Variants in MEGF8 observed in about 807,000 individuals in gnomAD.
The protein encoded by MEGF8 is multiple epidermal growth factor-like domains protein 8.
A neutral mutation model predicts 302.9 loss-of-function variants in MEGF8; 156 were observed. That is an observed-to-expected ratio of 0.52 (90% confidence interval 0.45 to 0.59). The LOEUF is 0.59. Among genes scored for constraint, MEGF8 ranks in the 20% least tolerant of loss-of-function variants. The probability of loss-of-function intolerance (pLI) is 0.00; values close to 1 mark genes in which losing one functional copy is unlikely to be tolerated. For missense variants in MEGF8, 3,345 were observed against 3,964.5 expected, an observed-to-expected ratio of 0.84 and a Z score of 4.20; for synonymous variants, 1,621 against 1,660.5, an observed-to-expected ratio of 0.98 and a Z score of 0.58.
At chr19:42,340,193 A>G (rs565333962) in intron 8 of MEGF8, among the ~76,000 whole-genome samples, 2 of 152,354 alleles carry the variant, frequency 1.3e-5, no homozygotes, top group African/African-American at 4.8e-5. Context: ...AATGATGCCC[A>G]GTGAAGTGCT....
chr19:42,346,292 G>C (rs1220705942), intron 12 of MEGF8, among the ~76,000 whole-genome samples: 1 of 152,156 alleles, frequency 6.6e-6, no homozygotes, highest in Non-Finnish European at 1.5e-5. Context: ...GGTGGCTCAC[G>C]CCTGTAATTC....
intron 8 of MEGF8, among the ~76,000 whole-genome samples, chr19:42,340,893 C>T (rs2039202325): frequency 6.7e-6 from 1 of 150,306 alleles, no homozygotes; most frequent in East Asian, 2.0e-4. Flanking sequence ...GTCTTGAAGT[C>T]CTGACCTTAA....
rs2039636353 is a variant in MEGF8, at chr19:42,368,352, C to G, written c.6274-103C>G. On this transcript the variant is annotated intron_variant, in intron 35 of 41. Coordinates refer to ENST00000251268, the MANE Select transcript of MEGF8 (RefSeq NM_001271938.2). The surrounding 1 kb of genome is among the most constrained non-coding windows in gnomAD (Gnocchi z 4.9). Reference sequence around the variant, plus strand: ...ACCTGTGGCCAGGGAGGGGTGAGACCTCAAAGAGGGTGTGGTCTGGGAAGA... The same window carrying G: ...ACCTGTGGCCAGGGAGGGGTGAGACGTCAAAGAGGGTGTGGTCTGGGAAGA... The G allele has an allele frequency of 1.9e-6, 2 of 1,073,340 alleles. No homozygotes were observed. Among genetic ancestry groups the G allele is most frequent in the Admixed American group, 2.8e-5 (1 of 35,194 alleles). The allele number at this position is 1,073,340 out of a possible 1,614,324, so 66.5% of individuals were successfully genotyped here.
At chr19:42,362,049 G>T (rs371473543) in intron 32 of MEGF8, 41 bp from the exon 33 acceptor site, 72 of 1,605,036 alleles carry the variant, frequency 4.5e-5, no homozygotes, top group Middle Eastern at 1.7e-4. Flanking sequence ...GAAGGAGGGG[G>T]TCTGGATGGG....
chr19:42,335,533 C>T (rs774105775), intron 5 of MEGF8, 148 bp downstream of exon 5: 15 of 694,872 alleles, frequency 2.2e-5, no homozygotes, highest in Middle Eastern at 7.8e-4. Flanking sequence ...TGCCTTTTCT[C>T]TCCGGTTTTC....
chr19:42,344,103 C>G lies in MEGF8; in HGVS notation c.1788+30C>G. On this transcript the variant is annotated intron_variant, in intron 10 of 41. Coordinates refer to ENST00000251268, the MANE Select transcript of MEGF8 (RefSeq NM_001271938.2). This position sits in a 1 kb window ranked among gnomAD's most constrained non-coding sequence, Gnocchi z 4.5. ...GTGACAGCCCTAGACCCTCTGTTCC[C>G]TAGCATAGAGACCTGCCCTCAGTGT... The G allele has an allele frequency of 1.2e-6, 2 of 1,609,142 alleles. No homozygotes were observed. The highest frequency in any genetic ancestry group is 1.7e-6 in the Non-Finnish European group (2 of 1,178,308).
At chr19:42,350,754 G>C (rs535398650) in intron 15 of MEGF8, among the ~76,000 whole-genome samples, 1 of 152,146 alleles carries the variant, frequency 6.6e-6, no homozygotes, top group Non-Finnish European at 1.5e-5. Context: ...AGTGGCAAGG[G>C]AGCCGTTAAG....
At chr19:42,364,736 C>T (rs1199353976) in intron 35 of MEGF8, among the ~76,000 whole-genome samples, 1 of 152,226 alleles carries the variant, frequency 6.6e-6, no homozygotes, top group Non-Finnish European at 1.5e-5. Context: ...AACTTGGCCA[C>T]TTCCTGGCTG....
rs1431656000 is a variant in MEGF8 at position 42,355,830 on chromosome 19, G to A, written c.4217G>A (p.Arg1406His). The change falls in exon 24 of 42, where the codon CGC becomes CAC. Residue 1406 changes from arginine (R) to histidine (H), a missense_variant. Coordinates refer to ENST00000251268, the MANE Select transcript of MEGF8 (RefSeq NM_001271938.2). ...TTCAATGCTTCGGTGGGCTCTGCCCGCTGTGGGTCAGGGGGCCCCGGGAGC... is the reference window on the plus strand; with the variant it reads ...TTCAATGCTTCGGTGGGCTCTGCCCACTGTGGGTCAGGGGGCCCCGGGAGC... ...WGFNASVGSARCGSGGPGSCP... is the reference protein window; with the variant it reads ...WGFNASVGSAHCGSGGPGSCP... 2 of 1,570,758 alleles carry A rather than the reference G, an allele frequency of 1.3e-6. No homozygotes were observed. Among genetic ancestry groups the A allele is most frequent in the South Asian group, 1.2e-5 (1 of 85,974 alleles).
In MEGF8 at chr19:42,352,905, C is replaced by T. The variant is rs1161055650; in HGVS notation, c.3351-23C>T. Reference sequence around the variant, plus strand: ...GCTCTGGGCCTGCCTGGCGCTTTCCCCACCCCCAACACGGCCCCTCAGGTG... The same window carrying T: ...GCTCTGGGCCTGCCTGGCGCTTTCCTCACCCCCAACACGGCCCCTCAGGTG... On this transcript the variant is annotated intron_variant, in intron 19 of 41. Transcript: ENST00000251268. This position sits in a 1 kb window ranked among gnomAD's most constrained non-coding sequence, Gnocchi z 4.4. The T allele has an allele frequency of 1.3e-6, 2 of 1,555,352 alleles. No homozygotes were observed. The highest frequency in any genetic ancestry group is 1.7e-6 in the Non-Finnish European group (2 of 1,146,330).
Position 42,358,656 on chromosome 19 carries a change from GAGCC to G in MEGF8, c.5176-130_5176-127del, listed in dbSNP as rs2039486823. 1 of 1,098,058 alleles carries G rather than the reference GAGCC, an allele frequency of 9.1e-7. No homozygotes were observed. The highest frequency in any genetic ancestry group is 1.3e-6 in the Non-Finnish European group (1 of 789,276). The allele number at this position is 1,098,058 out of a possible 1,614,324, so 68.0% of individuals were successfully genotyped here. A position where few individuals can be genotyped will look rare whatever the true frequency, so the allele number is the denominator to read the frequency against. On this transcript the variant is annotated intron_variant, in intron 29 of 41. Coordinates refer to ENST00000251268, the MANE Select transcript of MEGF8 (RefSeq NM_001271938.2). The surrounding 1 kb of genome is among the most constrained non-coding windows in gnomAD (Gnocchi z 4.4). ...AGGAGAATGTGTGTGGGAGGGCAGGGAGCCCTGTCTGCACTGGTTAGAGAGGCTG... is the reference window on the plus strand; with the variant it reads ...AGGAGAATGTGTGTGGGAGGGCAGGGCTGTCTGCACTGGTTAGAGAGGCTG...
intron 34 of MEGF8, 71 bp from the exon 35 acceptor site, chr19:42,362,977 G>A: frequency 7.4e-7 from 1 of 1,349,464 alleles, no homozygotes; most frequent in Non-Finnish European, 1.0e-6. Flanking sequence ...GAGCTCCTGG[G>A]TCTGAGGGAG....
chr19:42,333,743 C>A lies in MEGF8; in HGVS notation c.326C>A (p.Pro109Gln), dbSNP rs768036287. Residue 109 changes from proline to glutamine, a missense_variant, in exon 2 of 42, where the codon CCG becomes CAG. Pro to Gln is a moderately conservative substitution (Grantham distance 76, BLOSUM62 -1). Transcript: ENST00000251268. The stretch of plus-strand genomic sequence containing the variant: ...AGTCTAAGTGGGAGCACCCGACCTC[C>A]GCCCATCGAAGCTTCCTCAGGCAAG... ...LASLSGSTRP[P>Q]PIEASSGKML... 5 of 1,613,962 alleles carry A rather than the reference C, an allele frequency of 3.1e-6. No individual in the cohort carries two copies. In the Admixed American group the frequency reaches 6.7e-5, roughly 22 times the overall value.
chr19:42,333,662 C>T lies in MEGF8; in HGVS notation c.245C>T (p.Thr82Met), dbSNP rs748576204. The T allele has an allele frequency of 4.3e-6, 7 of 1,613,902 alleles. No homozygotes were observed. Among genetic ancestry groups the T allele is most frequent in the South Asian group, 3.3e-5 (3 of 91,094 alleles). The part of the protein sequence containing the change: ...LDFLFLDTEC[T>M]YDYLFVYDGD... ...TTCCTTTTCCTGGACACAGAGTGCACGTATGACTACCTGTTCGTGTATGAC... is the reference window on the plus strand; with the variant it reads ...TTCCTTTTCCTGGACACAGAGTGCATGTATGACTACCTGTTCGTGTATGAC... The change falls in exon 2 of 42, where the codon ACG (threonine) becomes ATG (methionine). Residue 82 changes from threonine to methionine, a missense_variant. Coordinates refer to ENST00000251268, the MANE Select transcript of MEGF8 (RefSeq NM_001271938.2).
chr19:42,354,473 C>T lies in MEGF8; in HGVS notation c.4012-115C>T. 8.2e-7 allele frequency: 1 copy of T among 1,216,054 alleles called. No homozygotes were observed. Among genetic ancestry groups the T allele is most frequent in the Non-Finnish European group, 1.2e-6 (1 of 863,786 alleles). 75.3% of individuals were successfully genotyped at this position (1,216,054 alleles called of 1,614,324 possible). ...TGACAGTCTCCCCTGGATGTTCAAA[C>T]AGCCCATTTCCCAGTCTCAGATTGC... On this transcript the variant is annotated intron_variant, in intron 22 of 41. Coordinates refer to ENST00000251268, the MANE Select transcript of MEGF8 (RefSeq NM_001271938.2). The surrounding 1 kb of genome is among the most constrained non-coding windows in gnomAD (Gnocchi z 4.3).
intron 38 of MEGF8, 133 bp from the exon 39 acceptor site, chr19:42,370,056 G>C (rs1456352490): frequency 1.1e-5 from 11 of 1,033,882 alleles, no homozygotes; most frequent in Non-Finnish European, 1.5e-5. Context: ...AATCCCGCTG[G>C]GATTGTCCAA....
Position 42,356,275 on chromosome 19 carries a change from C to G in MEGF8, c.4504-60C>G, listed in dbSNP as rs1340951515. 4 of 1,558,268 alleles carry G rather than the reference C, an allele frequency of 2.6e-6. No homozygotes were observed. The African/African-American group carries it at 5.4e-5, about 21-fold the overall frequency. On this transcript the variant is annotated intron_variant, in intron 25 of 41. Coordinates refer to ENST00000251268, the MANE Select transcript of MEGF8 (RefSeq NM_001271938.2). This position sits in a 1 kb window ranked among gnomAD's most constrained non-coding sequence, Gnocchi z 5.2. ...TCCATTCCTGGGACCACCCCTACAC[C>G]CAGGCCTGGCACTTTGTCCTGACCC...
Position 42,355,902 on chromosome 19 carries a change from C to T in MEGF8, c.4289C>T (p.Ala1430Val), listed in dbSNP as rs777183202. ...GTGCCCCAGGACGGTGCTGCAGGTGCGGGGCTCTGCCGATGTCCTCAGGGC... is the reference window on the plus strand; with the variant it reads ...GTGCCCCAGGACGGTGCTGCAGGTGTGGGGCTCTGCCGATGTCCTCAGGGC... ...ECVPQDGAAG[A>V]GLCRCPQGWA... Residue 1430 changes from alanine to valine, a missense_variant, in exon 24 of 42, where the codon GCG (alanine) becomes GTG (valine). Physicochemically the swap from Ala to Val is moderately conservative, Grantham distance 64. Transcript: ENST00000251268. 2.2e-5 allele frequency: 35 copies of T among 1,589,342 alleles called. No homozygotes were observed. In the East Asian group the frequency reaches 2.8e-4, roughly 12 times the overall value.
chr19:42,371,873 G>C (rs1165877834), intron 41 of MEGF8, among the ~76,000 whole-genome samples: 2 of 152,034 alleles, frequency 1.3e-5, no homozygotes, highest in African/African-American at 2.4e-5. Context: ...ACTTGAGCCC[G>C]GGGGTTCAAG....
Sources: gnomAD v4.1 joint callset for allele counts (sites outside exome capture counted in the v4.1 genomes callset) on GRCh38, gnomAD v4.1.1 for gene constraint, Gnocchi (gnomAD v3.1) non-coding constraint, MANE v1.5 for transcripts, NCBI Gene and HGNC (gene_info 2026-07-23, HGNC 2026-07-21) for gene names.